STX8: variants seen among roughly 807,000 people sequenced by gnomAD.
STX8 encodes syntaxin 8, also known as syntaxin-8.
Under a neutral mutation model 37.5 loss-of-function variants are expected in STX8, and 23 were observed. That is an observed-to-expected ratio of 0.61 (90% CI 0.44 to 0.87). The LOEUF is 0.87. Ranked by LOEUF, STX8 falls within the 40% of genes least tolerant of loss-of-function variation. The pLI, the probability that STX8 is intolerant of heterozygous loss-of-function variation, is 0.00. For synonymous variants in STX8, 115 were observed against 99.1 expected (o/e 1.16, Z -0.95); for missense variants, 313 against 284.7 (o/e 1.10, Z -0.71).
chr17:9,345,937 C>T (rs185461058), intron 7 of STX8, among the ~76,000 whole-genome samples: 11 of 140,864 alleles, frequency 7.8e-5, no homozygotes, highest in African/African-American at 2.1e-4. Context: ...CTGCTACCTC[C>T]GCGTCCTGGG....
At chr17:9,398,907 G>T (rs928283292) in intron 6 of STX8, among the ~76,000 whole-genome samples, 2 of 152,032 alleles carry the variant, frequency 1.3e-5, no homozygotes, top group African/African-American at 4.8e-5. Flanking sequence ...ATATTAGTTG[G>T]TCATGCTGGT....
intron 6 of STX8, among the ~76,000 whole-genome samples, chr17:9,379,571 A>G (rs1295645180): frequency 6.6e-6 from 1 of 152,206 alleles, no homozygotes; most frequent in Non-Finnish European, 1.5e-5. Flanking sequence ...GAGCAGTTGA[A>G]AAGTTAATCA....
intron 7 of STX8, among the ~76,000 whole-genome samples, chr17:9,264,030 T>G (rs1567759210): frequency 6.6e-6 from 1 of 152,188 alleles, no homozygotes; most frequent in Non-Finnish European, 1.5e-5. Flanking sequence ...AGTCACCATG[T>G]GAGTAGTTCA....
At chr17:9,531,827 T>C (rs1905830806) in intron 4 of STX8, among the ~76,000 whole-genome samples, 1 of 152,194 alleles carries the variant, frequency 6.6e-6, no homozygotes, top group Non-Finnish European at 1.5e-5. Context: ...TCATGTTTTT[T>C]TTTTTAAAGT....
intron 6 of STX8, among the ~76,000 whole-genome samples, chr17:9,396,366 T>TG (rs1188193013): frequency 3.9e-4 from 33 of 84,762 alleles, no homozygotes; most frequent in Admixed American, 5.2e-4. Context: ...CATAGGAATT[T>TG]GGGGGGGCGG....
rs1032156475 is a variant in STX8 at position 9,557,165 on chromosome 17, C to T, written c.212+269G>A. On this transcript the variant is annotated intron_variant, in intron 3 of 7. Transcript: ENST00000306357. ...GAGCAGTGTGGGGCTCCGTAAATAC[C>T]GCACTGACGGAAAACATTAGCTTCC... 1.4e-4 allele frequency: 46 copies of T among 335,386 alleles called. 2 individuals carry two copies. The highest frequency in any genetic ancestry group is 3.4e-4 in the Admixed American group (9 of 26,532). 20.8% of individuals were successfully genotyped at this position (335,386 alleles called of 1,614,324 possible).
chr17:9,272,852 T>TC (rs1907520686), intron 7 of STX8, among the ~76,000 whole-genome samples: 1 of 152,172 alleles, frequency 6.6e-6, no homozygotes, highest in Admixed American at 6.5e-5. Flanking sequence ...GCAGGATGGG[T>TC]CTTCCCACCT....
At chr17:9,318,154 G>T (rs533499725) in intron 7 of STX8, among the ~76,000 whole-genome samples, 1 of 152,106 alleles carries the variant, frequency 6.6e-6, no homozygotes, top group Non-Finnish European at 1.5e-5. Context: ...CAAGTTCTAG[G>T]GTCCATGTGC....
chr17:9,540,754 C>G (rs7224623), intron 4 of STX8: 152,220 of 152,350 alleles, frequency 1, 76,045 homozygotes, highest in Non-Finnish European at 1. Flanking sequence ...TCTTCTAGAA[C>G]CTTATTCTGA....
At chr17:9,314,260 G>C (rs1235401826) in intron 7 of STX8, among the ~76,000 whole-genome samples, 1 of 152,166 alleles carries the variant, frequency 6.6e-6, no homozygotes, top group Non-Finnish European at 1.5e-5. Flanking sequence ...CAGGTAGTCA[G>C]CCAATTTGTT....
At chr17:9,324,526 G>A (rs974476754) in intron 7 of STX8, among the ~76,000 whole-genome samples, 3 of 152,018 alleles carry the variant, frequency 2.0e-5, no homozygotes, top group Admixed American at 6.6e-5. Flanking sequence ...ACTTTGGGGG[G>A]CTGAGGTAGG....
intron 6 of STX8, among the ~76,000 whole-genome samples, chr17:9,401,482 T>C (rs956472778): frequency 5.3e-5 from 8 of 152,236 alleles, no homozygotes; most frequent in Non-Finnish European, 1.0e-4. Flanking sequence ...GAATATTTTA[T>C]AGATGTCAAA....
chr17:9,335,568 T>C (rs1910108233), intron 7 of STX8, among the ~76,000 whole-genome samples: 1 of 152,118 alleles, frequency 6.6e-6, no homozygotes, highest in Non-Finnish European at 1.5e-5. Context: ...GAAAAAAAAC[T>C]GGAAAGATAC....
At chr17:9,269,972 C>T (rs760332674) in intron 7 of STX8, among the ~76,000 whole-genome samples, 4 of 152,156 alleles carry the variant, frequency 2.6e-5, no homozygotes, top group East Asian at 3.9e-4. Context: ...TAAACACATG[C>T]GGTACAGAAA....
intron 4 of STX8, among the ~76,000 whole-genome samples, chr17:9,535,424 C>CCTTTTTTTTTTTTTTTTTTTT (rs1905992804): frequency 1.9e-5 from 1 of 51,564 alleles, no homozygotes; most frequent in African/African-American, 7.3e-5. Context: ...AGCCATCCTA[C>CCTTTTTTTTTTTTTTTTTTTT]TTTTTTTTTT....
intron 6 of STX8, among the ~76,000 whole-genome samples, chr17:9,404,515 C>T (rs1362924937): frequency 2.6e-5 from 4 of 151,794 alleles, no homozygotes; most frequent in Admixed American, 2.6e-4. Context: ...AGTGCAGTGG[C>T]GTGATCTCAG....
chr17:9,469,379 C>CACAT (rs1352672600), intron 6 of STX8: 2 of 151,964 alleles, frequency 1.3e-5, no homozygotes, highest in South Asian at 2.1e-4. Flanking sequence ...CACACACACA[C>CACAT]ACACATCTAC....
intron 6 of STX8, among the ~76,000 whole-genome samples, chr17:9,424,858 T>C (rs1913569254): frequency 6.6e-6 from 1 of 152,222 alleles, no homozygotes; most frequent in South Asian, 2.1e-4. Flanking sequence ...GACAGTCCCC[T>C]TCCCTTAAGG....
chr17:9,388,774 G>T (rs1261680436), intron 6 of STX8, among the ~76,000 whole-genome samples: 1 of 146,626 alleles, frequency 6.8e-6, no homozygotes, highest in Non-Finnish European at 1.5e-5. Flanking sequence ...TTGCACTCCA[G>T]CCTGGGCAAC....
Sources: gnomAD v4.1 joint callset for allele counts (sites outside exome capture counted in the v4.1 genomes callset) on GRCh38, gnomAD v4.1.1 for gene constraint, MANE v1.5 for transcripts, NCBI Gene and HGNC (gene_info 2026-07-23, HGNC 2026-07-21) for gene names.